The following MICAL3 variants were observed in gnomAD, a reference collection of about 807,000 sequenced individuals.
MICAL3 encodes [F-actin]-monooxygenase MICAL3.
A neutral mutation model predicts 207.4 loss-of-function variants in MICAL3; 62 were observed. The observed-to-expected ratio is 0.30, with a 90% CI of 0.24 to 0.37. The LOEUF (loss-of-function observed/expected upper bound fraction) is 0.37. MICAL3 is among the 10% of genes least tolerant of loss of function. MICAL3 has a pLI of 1.00. For synonymous variants in MICAL3, 1,077 were observed against 1,069.3 expected (o/e 1.01, Z -0.14); for missense variants, 2,368 against 2,635.6 (o/e 0.90, Z 2.22).
Position 17,896,775 on chromosome 22 carries a change from C to T in MICAL3, c.1155G>A (p.Glu385=), listed in dbSNP as rs1228480490. Reference sequence around the variant, plus strand: ...CCACTAGTAACTGGTGTCCGTTCTGCTCCCGCACCAAGGCGGCGTTCTCGG... The same window carrying T: ...CCACTAGTAACTGGTGTCCGTTCTGTTCCCGCACCAAGGCGGCGTTCTCGG... ...YASENAALVR[E]QNGHQLLVAL... is the part of the protein sequence containing the mutation. Residue 385 remains glutamate, a synonymous_variant, in exon 8 of 32, where the codon GAG becomes GAA. Transcript: ENST00000441493. 1.9e-6 allele frequency: 3 copies of T among 1,613,984 alleles called. No individual in the cohort carries two copies. Among genetic ancestry groups the T allele is most frequent in the Admixed American group, 1.7e-5 (1 of 60,028 alleles).
chr22:17,791,141 A>G, intron 30 of MICAL3, 61 bp downstream of exon 30: 2 of 1,605,040 alleles, frequency 1.2e-6, no homozygotes, highest in Non-Finnish European at 1.7e-6. Flanking sequence ...CAAATCTGGA[A>G]GGACCTCCAT....
intron 1 of MICAL3, among the ~76,000 whole-genome samples, chr22:17,981,839 A>T (rs1040401334): frequency 6.6e-6 from 1 of 152,182 alleles, no homozygotes; most frequent in Non-Finnish European, 1.5e-5. Flanking sequence ...AAAATTCCTT[A>T]AGAGATGGGT....
chr22:18,007,791 C>T (rs1331131249), intron 1 of MICAL3, among the ~76,000 whole-genome samples: 1 of 150,926 alleles, frequency 6.6e-6, no homozygotes, highest in African/African-American at 2.4e-5. Flanking sequence ...GGCATGGTGG[C>T]GGGTGCCTGT....
chr22:17,894,796 C>CAA (rs549154429), intron 10 of MICAL3, among the ~76,000 whole-genome samples: 11,490 of 78,050 alleles, frequency 0.15, 997 homozygotes, highest in East Asian at 0.28. Context: ...GATTCCATCT[C>CAA]AAAAAAAAAA....
chr22:17,944,276 T>C (rs1410200068), intron 1 of MICAL3, among the ~76,000 whole-genome samples: 2 of 152,178 alleles, frequency 1.3e-5, no homozygotes, highest in Non-Finnish European at 2.9e-5. Flanking sequence ...TTTCAGCCAC[T>C]TTCCTCCCAG....
chr22:17,801,183 C>A (rs1200409205), intron 29 of MICAL3, among the ~76,000 whole-genome samples: 1 of 44,964 alleles, frequency 2.2e-5, no homozygotes, highest in Non-Finnish European at 3.5e-5. Flanking sequence ...GACGGAGTCT[C>A]GCTCTGTCGC....
rs773504506 is a variant in MICAL3 at position 17,793,559 on chromosome 22, G to A, written c.5651-2258C>T. On this transcript the variant is annotated intron_variant, in intron 29 of 31. Coordinates refer to ENST00000441493, the MANE Select transcript of MICAL3 (RefSeq NM_015241.3). The surrounding 1 kb of genome is among the most constrained non-coding windows in gnomAD (Gnocchi z 4.1). Reference sequence around the variant, plus strand: ...GGTCCTCCCCATAGACAGTCAAAGGGATACTGTACCTTTAGAAACTGCCAC... The same window carrying A: ...GGTCCTCCCCATAGACAGTCAAAGGAATACTGTACCTTTAGAAACTGCCAC... 1.3e-5 allele frequency among the ~76,000 whole-genome samples: 2 copies of A among 152,180 alleles called. No homozygotes were observed. Among genetic ancestry groups the A allele is most frequent in the Non-Finnish European group, 2.9e-5 (2 of 68,042 alleles).
chr22:17,941,883 C>T (rs775196288), intron 1 of MICAL3, among the ~76,000 whole-genome samples: 1 of 152,090 alleles, frequency 6.6e-6, no homozygotes. Context: ...CCTCCAGGGC[C>T]CAGGAGGGGG....
chr22:17,894,015 A>T lies in MICAL3; in HGVS notation c.1450-111T>A, dbSNP rs1254170800. The T allele has an allele frequency of 9.3e-6, 7 of 748,984 alleles. No homozygotes were observed. In the East Asian group the frequency reaches 1.9e-4, roughly 20 times the overall value. The allele number at this position is 748,984 out of a possible 1,614,324, so 46.4% of individuals were successfully genotyped here. A position where few individuals can be genotyped will look rare whatever the true frequency, so the allele number is the denominator to read the frequency against. ...AAGTCTGGGATAGAAGGCTGGGTAA[A>T]GTTCAGACAGAAGTTAGGATGATGA... is the stretch of plus-strand genomic sequence containing the variant. On this transcript the variant is annotated intron_variant, in intron 10 of 31. Transcript: ENST00000441493.
chr22:17,974,719 G>A (rs984812215), intron 1 of MICAL3, among the ~76,000 whole-genome samples: 2 of 120,522 alleles, frequency 1.7e-5, no homozygotes, highest in Non-Finnish European at 1.6e-5. Context: ...GCAAGACTCC[G>A]TCTTAAAAAA....
rs867834135 is a variant in MICAL3 at position 17,849,680 on chromosome 22, G to A, written c.2606-7663C>T. 9.5e-4 allele frequency among the ~76,000 whole-genome samples: 116 copies of A among 122,400 alleles called. 2 individuals carry two copies. The highest frequency in any genetic ancestry group is 1.7e-3 in the Non-Finnish European group (100 of 58,752). The allele number at this position is 122,400 out of a possible 152,430, so 80.3% of individuals were successfully genotyped here. A position where few individuals can be genotyped will look rare whatever the true frequency, so the allele number is the denominator to read the frequency against. ...TGTGTGTGTGTGTGTGTGTGTGTGTGTGTGTGTATTTTTTTTTTTTTTTTT... is the reference window on the plus strand; with the variant it reads ...TGTGTGTGTGTGTGTGTGTGTGTGTATGTGTGTATTTTTTTTTTTTTTTTT... On this transcript the variant is annotated intron_variant, in intron 19 of 31. Coordinates refer to ENST00000441493, the MANE Select transcript of MICAL3 (RefSeq NM_015241.3).
At chr22:17,919,047 C>T (rs1011811026) in intron 1 of MICAL3, among the ~76,000 whole-genome samples, 1 of 148,290 alleles carries the variant, frequency 6.7e-6, no homozygotes, top group African/African-American at 2.6e-5. Flanking sequence ...CACAACTTGA[C>T]ATACTCCAAA....
rs746064396 is a variant in MICAL3 at position 17,902,731 on chromosome 22, T to C, written c.489A>G (p.Gln163=). ...TCAAGGCTACTTTCAAAAGTATTAG[T>C]TGGAGCTGACGGATACCTGGGAGAA... ...AIDHISIRQL[Q]LILLKVALIL... Residue 163 remains glutamine (Q), a synonymous_variant, in exon 4 of 32, where the codon CAA becomes CAG. Transcript: ENST00000441493. The surrounding 1 kb of genome is among the most constrained non-coding windows in gnomAD (Gnocchi z 4.5). The C allele has an allele frequency of 2.3e-5, 36 of 1,596,242 alleles. No individual in the cohort carries two copies. The highest frequency in any genetic ancestry group is 1.7e-4 in the Middle Eastern group (1 of 6,042).
At chr22:17,928,936 A>C (rs1933068898) in intron 1 of MICAL3, among the ~76,000 whole-genome samples, 1 of 152,102 alleles carries the variant, frequency 6.6e-6, no homozygotes, top group South Asian at 2.1e-4. Flanking sequence ...CTGGGACTAC[A>C]GGCGCCCGCC....
chr22:17,823,761 A>G (rs906681982), intron 22 of MICAL3, among the ~76,000 whole-genome samples: 1 of 152,188 alleles, frequency 6.6e-6, no homozygotes, highest in African/African-American at 2.4e-5. Flanking sequence ...ACAACATCCG[A>G]AAAAAATTCG....
intron 1 of MICAL3, among the ~76,000 whole-genome samples, chr22:17,989,026 C>T (rs1921362002): frequency 6.6e-6 from 1 of 152,136 alleles, no homozygotes; most frequent in Non-Finnish European, 1.5e-5. Flanking sequence ...CCCGGCTGAT[C>T]TTGCTTGACT....
At chr22:17,808,580 C>A (rs531145123) in intron 29 of MICAL3, among the ~76,000 whole-genome samples, 4 of 152,290 alleles carry the variant, frequency 2.6e-5, no homozygotes, top group African/African-American at 9.6e-5. Context: ...AGCCAGCGCT[C>A]GCCATCAGCA....
chr22:17,894,614 C>T (rs755578009), intron 10 of MICAL3, among the ~76,000 whole-genome samples: 4 of 151,492 alleles, frequency 2.6e-5, no homozygotes, highest in Admixed American at 1.3e-4. Context: ...CTGACCAACA[C>T]AGTGAAACCC....
chr22:17,846,031 T>G (rs1602041299), intron 19 of MICAL3, among the ~76,000 whole-genome samples: 1 of 152,254 alleles, frequency 6.6e-6, no homozygotes, highest in East Asian at 1.9e-4. Context: ...AATTTTGGGC[T>G]TGGCTACAAC....
Sources: gnomAD v4.1 joint callset for allele counts (sites outside exome capture counted in the v4.1 genomes callset) on GRCh38, gnomAD v4.1.1 for gene constraint, Gnocchi (gnomAD v3.1) non-coding constraint, MANE v1.5 for transcripts, NCBI Gene and HGNC (gene_info 2026-07-23, HGNC 2026-07-21) for gene names.